Variants in VKORC1L1 observed in about 807,000 individuals in gnomAD.
The protein encoded by VKORC1L1 is vitamin K epoxide reductase complex subunit 1L1.
A neutral mutation model predicts 18.9 loss-of-function variants in VKORC1L1; 2 were observed. The observed-to-expected ratio is 0.11, with a 90% CI of 0.04 to 0.33. The LOEUF (loss-of-function observed/expected upper bound fraction) is 0.33. VKORC1L1 is among the 10% of genes least tolerant of loss of function. The pLI is 1.00. For missense variants in VKORC1L1, 123 were observed against 224.1 expected (o/e 0.55, Z 2.88); for synonymous variants, 96 against 100.0 (o/e 0.96, Z 0.24).
chr7:65,906,505 C>G (rs1355289759), intron 1 of VKORC1L1, among the ~76,000 whole-genome samples: 1 of 152,036 alleles, frequency 6.6e-6, no homozygotes, highest in Non-Finnish European at 1.5e-5. Context: ...TGTAAGACCC[C>G]CAAAGGTGGA....
chr7:65,869,892 C>T (rs1430587200), upstream of VKORC1L1, among the ~76,000 whole-genome samples: 1 of 151,212 alleles, frequency 6.6e-6, no homozygotes, highest in East Asian at 1.9e-4. Flanking sequence ...TGGCCTCAAG[C>T]GATTCTCCCA....
rs1031536808 is a variant in VKORC1L1 at position 65,956,020 on chromosome 7, A to G, written c.*1720A>G. On this transcript the variant is annotated 3_prime_UTR_variant, in exon 3 of 3. Coordinates refer to ENST00000360768, the MANE Select transcript of VKORC1L1 (RefSeq NM_173517.6). Reference sequence around the variant, plus strand: ...TCATAATGAACTTTTCACCAGTTTCAACCAGTTTCTTAAAAGAGAGCTTAA... The same window carrying G: ...TCATAATGAACTTTTCACCAGTTTCGACCAGTTTCTTAAAAGAGAGCTTAA... The G allele has an allele frequency of 6.6e-6, 1 of 152,224 alleles. No homozygotes were observed. Among genetic ancestry groups the G allele is most frequent in the African/African-American group, 2.4e-5 (1 of 41,462 alleles). The allele number at this position is 152,224 out of a possible 1,614,324, so 9.4% of individuals were successfully genotyped here.
Position 65,955,536 on chromosome 7 carries a change from CTT to C in VKORC1L1, c.*1239_*1240del, listed in dbSNP as rs1790282929. On this transcript the variant is annotated 3_prime_UTR_variant, in exon 3 of 3. Coordinates refer to ENST00000360768, the MANE Select transcript of VKORC1L1 (RefSeq NM_173517.6). ...TAATGACACACATGCAGTAAGAAGA[CTT>C]TTGTAAGGGGATTTGAGTACACCCA... The C allele has an allele frequency of 1.3e-5, 2 of 152,208 alleles. No individual in the cohort carries two copies. Among genetic ancestry groups the C allele is most frequent in the African/African-American group, 4.8e-5 (2 of 41,438 alleles). The allele number at this position is 152,208 out of a possible 1,614,324, so 9.4% of individuals were successfully genotyped here. A position where few individuals can be genotyped will look rare whatever the true frequency, so the allele number is the denominator to read the frequency against.
At chr7:65,947,407 A>AT (rs1222815145) in intron 1 of VKORC1L1, among the ~76,000 whole-genome samples, 1 of 146,614 alleles carries the variant, frequency 6.8e-6, no homozygotes, top group African/African-American at 2.5e-5. Context: ...ACTTAACACC[A>AT]TAACTGGTTT....
chr7:65,920,876 G>C (rs1789664255), intron 1 of VKORC1L1, among the ~76,000 whole-genome samples: 1 of 150,412 alleles, frequency 6.6e-6, no homozygotes, highest in African/African-American at 2.4e-5. Context: ...AAGAAAAGAA[G>C]GGAGAGAAGG....
At chr7:65,870,666 G>C (rs887612688), upstream of VKORC1L1, among the ~76,000 whole-genome samples, 1 of 152,198 alleles carries the variant, frequency 6.6e-6, no homozygotes, top group Non-Finnish European at 1.5e-5. Context: ...ATTGATGAAA[G>C]AAGCCAGATG....
At chr7:65,868,056 A>G in the VKORC1L1 span, among the ~76,000 whole-genome samples, 32 of 152,228 alleles carry the variant, frequency 2.1e-4, no homozygotes, top group Non-Finnish European at 3.4e-4. Flanking sequence ...CATGTTGGCC[A>G]GGCTGGTCTC....
intron 1 of VKORC1L1, among the ~76,000 whole-genome samples, chr7:65,911,315 GA>G (rs764121876): frequency 1.8e-4 from 28 of 152,160 alleles, no homozygotes; most frequent in Non-Finnish European, 4.0e-4. Context: ...GGCTTAAAAT[GA>G]AAATGTTTGC....
chr7:65,870,387 A>G (rs1788712207), upstream of VKORC1L1, among the ~76,000 whole-genome samples: 1 of 152,074 alleles, frequency 6.6e-6, no homozygotes, highest in African/African-American at 2.4e-5. Flanking sequence ...TCGAGATTGC[A>G]TCATTGCCCT....
chr7:65,922,258 C>T (rs536137142), intron 1 of VKORC1L1, among the ~76,000 whole-genome samples: 87 of 150,742 alleles, frequency 5.8e-4, no homozygotes, highest in South Asian at 4.2e-3. Flanking sequence ...TGCAGTGCTT[C>T]TGTCTAGGAT....
chr7:65,931,113 G>C (rs1421175701), intron 1 of VKORC1L1, among the ~76,000 whole-genome samples: 1 of 151,642 alleles, frequency 6.6e-6, no homozygotes, highest in East Asian at 1.9e-4. Context: ...TATATTGCTG[G>C]ATTTGATTTA....
In VKORC1L1 at chr7:65,954,623, A is replaced by G; in HGVS notation, c.*323A>G. On this transcript the variant is annotated 3_prime_UTR_variant, in exon 3 of 3. Coordinates refer to ENST00000360768, the MANE Select transcript of VKORC1L1 (RefSeq NM_173517.6). ...GTAAAGTGAGCAACCATTGCTAGTA[A>G]TTCTTTAATGTGTATAAATTCAATT... is the stretch of plus-strand genomic sequence containing the variant. 2.6e-6 allele frequency: 1 copy of G among 382,662 alleles called. No individual in the cohort carries two copies. The highest frequency in any genetic ancestry group is 4.6e-6 in the Non-Finnish European group (1 of 218,308). 23.7% of individuals were successfully genotyped at this position (382,662 alleles called of 1,614,324 possible).
At chr7:65,901,441 A>G (rs1203200219) in intron 1 of VKORC1L1, among the ~76,000 whole-genome samples, 1 of 152,248 alleles carries the variant, frequency 6.6e-6, no homozygotes, top group African/African-American at 2.4e-5. Flanking sequence ...TAGAATAACA[A>G]GGACTGGGTT....
At chr7:65,953,807 A>G (rs1448467163) in intron 2 of VKORC1L1, among the ~76,000 whole-genome samples, 1 of 152,192 alleles carries the variant, frequency 6.6e-6, no homozygotes, top group Admixed American at 6.5e-5. Context: ...TAGAGGTTGC[A>G]TGAGTTGAGA....
rs149851919 is a variant in VKORC1L1 at position 65,945,185 on chromosome 7, C to G, written c.195-3486C>G. Among the ~76,000 whole-genome samples, 1,475 of 151,108 alleles carry G rather than the reference C, an allele frequency of 9.8e-3. 22 individuals are homozygous for G. The highest frequency in any genetic ancestry group is 0.034 in the African/African-American group (1,410 of 41,116). On this transcript the variant is annotated intron_variant, in intron 1 of 2. Transcript: ENST00000360768. ...CTGAGGCAGGAGAATCACTTGAATC[C>G]AAGTGGTGAAGGTTGCATTGAGCTG... is the stretch of plus-strand genomic sequence containing the variant.
intron 1 of VKORC1L1, among the ~76,000 whole-genome samples, chr7:65,889,759 A>C (rs1789080201): frequency 1.3e-5 from 2 of 152,032 alleles, no homozygotes. Context: ...TCGCACCTAA[A>C]CTTAGTAGTT....
chr7:65,921,392 A>C (rs1158783515), intron 1 of VKORC1L1, among the ~76,000 whole-genome samples: 1 of 151,970 alleles, frequency 6.6e-6, no homozygotes, highest in Non-Finnish European at 1.5e-5. Context: ...ATATACATTA[A>C]TTTACCTTTT....
intron 1 of VKORC1L1, among the ~76,000 whole-genome samples, chr7:65,874,945 A>G (rs931531201): frequency 6.6e-6 from 1 of 152,242 alleles, no homozygotes; most frequent in Non-Finnish European, 1.5e-5. Context: ...ATCAAGTAGT[A>G]TATTAAAAGT....
chr7:65,939,202 C>T (rs1219030978), intron 1 of VKORC1L1, among the ~76,000 whole-genome samples: 4 of 152,162 alleles, frequency 2.6e-5, no homozygotes, highest in South Asian at 2.1e-4. Context: ...ACCACGACTC[C>T]GTGGATAAGA....
Sources: allele counts gnomAD v4.1 joint callset (sites outside exome capture counted in the v4.1 genomes callset), GRCh38; gene constraint gnomAD v4.1.1; transcripts MANE v1.5; gene names NCBI Gene and HGNC (gene_info 2026-07-23, HGNC 2026-07-21).